ETS1: variants seen among roughly 807,000 people sequenced by gnomAD.
ETS1 encodes the protein protein C-ets-1.
Under a neutral mutation model 58.6 loss-of-function variants are expected in ETS1, and 15 were observed. The ratio of observed to expected loss-of-function variants is 0.26; its 90% CI spans 0.17 to 0.39. ETS1 has a LOEUF of 0.39. Ranked by LOEUF, ETS1 falls within the 10% of genes least tolerant of loss-of-function variation. The probability of loss-of-function intolerance (pLI) is 1.00; values close to 1 mark genes in which losing one functional copy is unlikely to be tolerated. For synonymous variants in ETS1, 214 were observed against 218.2 expected (o/e 0.98, Z 0.17); for missense variants, 417 against 610.5 (o/e 0.68, Z 3.34).
At position 128,464,114 on chromosome 11, in the gene ETS1, G is replaced by A. The variant is rs1861971238; in HGVS notation, c.1124-487C>T. 6.6e-6 allele frequency among the ~76,000 whole-genome samples: 1 copy of A among 151,914 alleles called. No homozygotes were observed. The highest frequency in any genetic ancestry group is 2.4e-5 in the African/African-American group (1 of 41,402). The stretch of plus-strand genomic sequence containing the variant: ...CCTGTGGCCCCTGATTTGTGAGTAA[G>A]AAGGATCACTATCCTCCGGCCCTCT... On this transcript the variant is annotated intron_variant, in intron 8 of 9. Transcript: ENST00000392668. The surrounding 1 kb of genome is among the most constrained non-coding windows in gnomAD (Gnocchi z 4.1).
intron 8 of ETS1, among the ~76,000 whole-genome samples, chr11:128,477,086 A>C (rs1044611543): frequency 1.1e-4 from 16 of 152,234 alleles, no homozygotes; most frequent in African/African-American, 3.9e-4. Context: ...TCAAGAAGTA[A>C]AATGTATTCC....
At chr11:128,465,103 C>A (rs952495336) in intron 8 of ETS1, among the ~76,000 whole-genome samples, 4 of 152,286 alleles carry the variant, frequency 2.6e-5, no homozygotes, top group African/African-American at 9.6e-5. Flanking sequence ...AGCTATCATC[C>A]CACAGCCAAA....
At chr11:128,510,580 G>T (rs1354638797) in intron 3 of ETS1, among the ~76,000 whole-genome samples, 1 of 152,232 alleles carries the variant, frequency 6.6e-6, no homozygotes, top group African/African-American at 2.4e-5. Flanking sequence ...TGGAGGAGGA[G>T]ACACACTTCG....
intron 1 of ETS1, among the ~76,000 whole-genome samples, chr11:128,585,189 GGAAGGAAA>G (rs1314681383): frequency 0.025 from 303 of 12,180 alleles, 32 homozygotes; most frequent in African/African-American, 0.045. Flanking sequence ...AAAGAAAGAA[GGAAGGAAA>G]GAAAGAAAGA....
chr11:128,530,708 G>GA (rs1050737131), intron 3 of ETS1, among the ~76,000 whole-genome samples: 1 of 152,054 alleles, frequency 6.6e-6, no homozygotes, highest in Non-Finnish European at 1.5e-5. Flanking sequence ...ACTGTGAGAG[G>GA]AAAAAACAAA....
chr11:128,550,952 C>A (rs1312059127), intron 3 of ETS1, among the ~76,000 whole-genome samples: 3 of 152,184 alleles, frequency 2.0e-5, no homozygotes, highest in East Asian at 1.9e-4. Context: ...CCCTGTAAGT[C>A]TTCTCTAAGA....
chr11:128,576,555 G>T lies in ETS1; in HGVS notation c.-14-3411C>A, dbSNP rs531699676. Among the ~76,000 whole-genome samples, 7 of 152,196 alleles carry T rather than the reference G, an allele frequency of 4.6e-5. No homozygotes were observed. In the South Asian group the frequency reaches 1.5e-3, roughly 32 times the overall value. On this transcript the variant is annotated intron_variant, in intron 1 of 9. Transcript: ENST00000392668. ...GTTTGGGTGCAAAAATGATTTGGAC[G>T]CTGGGTAACAGAGGGTCTTGCAGAG...
chr11:128,548,340 T>C (rs1378393588), intron 3 of ETS1, among the ~76,000 whole-genome samples: 1 of 152,062 alleles, frequency 6.6e-6, no homozygotes, highest in Non-Finnish European at 1.5e-5. Context: ...GTTTTTTTTT[T>C]TTTAATTTCT....
intron 3 of ETS1, among the ~76,000 whole-genome samples, chr11:128,503,996 C>T (rs1321835233): frequency 6.6e-6 from 1 of 152,168 alleles, no homozygotes; most frequent in Admixed American, 6.6e-5. Flanking sequence ...AGGCCCCACA[C>T]AGTGCAGTAA....
chr11:128,569,202 C>T (rs946678405), intron 2 of ETS1, among the ~76,000 whole-genome samples: 2 of 152,140 alleles, frequency 1.3e-5, no homozygotes, highest in African/African-American at 4.8e-5. Context: ...TGAGACACAT[C>T]TCCAGGCATT....
At chr11:128,548,112 G>GAAGA in intron 3 of ETS1, among the ~76,000 whole-genome samples, 1 of 97,782 alleles carries the variant, frequency 1.0e-5, no homozygotes, top group East Asian at 3.7e-4. Flanking sequence ...AAAGGAAAGG[G>GAAGA]AAGGAAAGGA....
chr11:128,483,372 G>A (rs1223007649), intron 7 of ETS1, among the ~76,000 whole-genome samples: 2 of 152,182 alleles, frequency 1.3e-5, no homozygotes, highest in African/African-American at 2.4e-5. Flanking sequence ...GTTACAACAT[G>A]GCTGAGCCCA....
chr11:128,503,637 A>G (rs1306397360), intron 3 of ETS1, among the ~76,000 whole-genome samples: 3 of 152,122 alleles, frequency 2.0e-5, no homozygotes, highest in Non-Finnish European at 4.4e-5. Context: ...CTGACCTGGT[A>G]CGGTACTTCA....
Position 128,460,685 on chromosome 11 carries a change from A to G in ETS1, c.*1676T>C, listed in dbSNP as rs2135404616. 6.6e-6 allele frequency: 1 copy of G among 152,372 alleles called. No individual in the cohort carries two copies. The highest frequency in any genetic ancestry group is 1.9e-4 in the East Asian group (1 of 5,322). The allele number at this position is 152,372 out of a possible 1,614,324, so 9.4% of individuals were successfully genotyped here. On this transcript the variant is annotated 3_prime_UTR_variant, in exon 10 of 10. Coordinates refer to ENST00000392668, the MANE Select transcript of ETS1 (RefSeq NM_001143820.2). ...CTCCATTTTCAGATTCCCCCTCACA[A>G]CCAGCAGAAAGATGACTACCTTGCT...
intron 1 of ETS1, among the ~76,000 whole-genome samples, chr11:128,582,463 G>A (rs777644362): frequency 1.3e-5 from 2 of 152,092 alleles, no homozygotes; most frequent in Non-Finnish European, 2.9e-5. Flanking sequence ...GTAAGCATTA[G>A]TAAATGCTTA....
intron 2 of ETS1, among the ~76,000 whole-genome samples, chr11:128,568,317 C>G (rs1864547829): frequency 6.6e-6 from 1 of 152,220 alleles, no homozygotes; most frequent in East Asian, 1.9e-4. Flanking sequence ...CTCATTCCCG[C>G]CACTCTCAGC....
intron 3 of ETS1, chr11:128,504,946 C>G (rs1054320568): frequency 6.6e-6 from 1 of 152,218 alleles, no homozygotes; most frequent in Non-Finnish European, 1.5e-5. Flanking sequence ...TGGTCAGACT[C>G]TAAGGTGGAA....
intron 3 of ETS1, among the ~76,000 whole-genome samples, chr11:128,547,994 A>G (rs1864157521): frequency 6.6e-6 from 1 of 152,006 alleles, no homozygotes; most frequent in African/African-American, 2.4e-5. Context: ...CCCATGAGCT[A>G]TTTATGCTCT....
At chr11:128,587,214 G>A (rs1195708929) in intron 1 of ETS1, among the ~76,000 whole-genome samples, 3 of 151,560 alleles carry the variant, frequency 2.0e-5, no homozygotes, top group Non-Finnish European at 4.4e-5. Context: ...AGTAATCTAC[G>A]GGTATCTAAA....
Sources: allele counts gnomAD v4.1 joint callset (sites outside exome capture counted in the v4.1 genomes callset), GRCh38; gene constraint gnomAD v4.1.1; non-coding constraint Gnocchi (gnomAD v3.1); transcripts MANE v1.5; gene names NCBI Gene and HGNC (gene_info 2026-07-23, HGNC 2026-07-21).